DLC1: variants seen among roughly 807,000 people sequenced by gnomAD.
DLC1 encodes DLC1 Rho GTPase activating protein.
In DLC1, 54 loss-of-function variants were observed where a neutral mutation model predicts 140.3. That is an observed-to-expected ratio of 0.38 (90% CI 0.31 to 0.48). The LOEUF (loss-of-function observed/expected upper bound fraction) is 0.48. Ranked by LOEUF, DLC1 falls within the 20% of genes least tolerant of loss-of-function variation. The pLI, the probability that DLC1 is intolerant of heterozygous loss-of-function variation, is 0.96. For missense variants in DLC1, 2,536 were observed against 1,907.0 expected, an observed-to-expected ratio of 1.33 and a Z score of -6.14; for synonymous variants, 986 against 728.1, an observed-to-expected ratio of 1.35 and a Z score of -5.70.
intron 5 of DLC1, among the ~76,000 whole-genome samples, chr8:13,134,415 G>A (rs776956446): frequency 1.3e-5 from 2 of 152,152 alleles, no homozygotes; most frequent in Non-Finnish European, 2.9e-5. Flanking sequence ...CCTCCTGGAG[G>A]TTACTTTCTC....
chr8:13,206,346 A>G (rs1377533922), intron 5 of DLC1, among the ~76,000 whole-genome samples: 2 of 152,234 alleles, frequency 1.3e-5, no homozygotes, highest in African/African-American at 4.8e-5. Flanking sequence ...CAAGTTTTAT[A>G]ACAAATTATG....
At chr8:13,421,658 A>G (rs1838327384) in intron 2 of DLC1, among the ~76,000 whole-genome samples, 1 of 152,116 alleles carries the variant, frequency 6.6e-6, no homozygotes, top group Admixed American at 6.5e-5. Flanking sequence ...GTGGTATAAT[A>G]TTTCTGAGGG....
At chr8:13,514,919 G>C (rs1036853755), upstream of DLC1, 2 of 324,166 alleles carry the variant, frequency 6.2e-6, no homozygotes, top group Non-Finnish European at 1.1e-5. Flanking sequence ...TGCCTCTGAG[G>C]AGTGTGCATG....
At chr8:13,312,434 G>C (rs1832714928) in intron 4 of DLC1, among the ~76,000 whole-genome samples, 1 of 147,534 alleles carries the variant, frequency 6.8e-6, no homozygotes, top group Non-Finnish European at 1.5e-5. Flanking sequence ...CCCATGACTG[G>C]GCCACATTAA....
At chr8:13,354,315 G>T (rs901815229) in intron 4 of DLC1, among the ~76,000 whole-genome samples, 1 of 152,042 alleles carries the variant, frequency 6.6e-6, no homozygotes, top group South Asian at 2.1e-4. Context: ...TATTGTCTGT[G>T]ACTTCTAGTT....
At chr8:13,088,811 T>A in intron 15 of DLC1, 107 bp from the exon 16 acceptor site, 1 of 826,130 alleles carries the variant, frequency 1.2e-6, no homozygotes, top group Non-Finnish European at 1.9e-6. Context: ...TAATCAACGT[T>A]AATTGATTAA....
intron 4 of DLC1, among the ~76,000 whole-genome samples, chr8:13,391,717 T>C (rs1836770662): frequency 6.6e-6 from 1 of 152,136 alleles, no homozygotes; most frequent in Non-Finnish European, 1.5e-5. Flanking sequence ...CTTCAACTCA[T>C]TGTTATGAAT....
intron 4 of DLC1, among the ~76,000 whole-genome samples, chr8:13,382,497 C>T (rs527532307): frequency 7.7e-5 from 7 of 90,468 alleles, no homozygotes; most frequent in Non-Finnish European, 1.2e-4. Flanking sequence ...GACAGCGAGA[C>T]TCCGTCTCAA....
At chr8:13,377,668 G>A (rs906090486) in intron 4 of DLC1, among the ~76,000 whole-genome samples, 2 of 151,980 alleles carry the variant, frequency 1.3e-5, no homozygotes, top group South Asian at 2.1e-4. Flanking sequence ...GCCCTGAAAC[G>A]TCTATATTTT....
chr8:13,505,943 C>G (rs147016015), intron 1 of DLC1, among the ~76,000 whole-genome samples: 3,518 of 152,320 alleles, frequency 0.023, 61 homozygotes, highest in Non-Finnish European at 0.034. Flanking sequence ...CAAATTCCCA[C>G]TTTTCCTGAA....
At chr8:13,457,075 AT>A (rs1799422693) in intron 2 of DLC1, among the ~76,000 whole-genome samples, 1 of 152,124 alleles carries the variant, frequency 6.6e-6, no homozygotes, top group South Asian at 2.1e-4. Context: ...ATTCAATTCT[AT>A]TTCCCTGGGT....
intron 6 of DLC1, 146 bp from the exon 7 acceptor site, chr8:13,110,969 G>T (rs939972672): frequency 1.2e-5 from 8 of 685,288 alleles, no homozygotes; most frequent in Admixed American, 1.1e-4. Context: ...AAGTTCTATG[G>T]GACTATAAGG....
intron 5 of DLC1, among the ~76,000 whole-genome samples, chr8:13,292,699 C>A (rs918305722): frequency 6.6e-6 from 1 of 152,088 alleles, no homozygotes; most frequent in African/African-American, 2.4e-5. Flanking sequence ...TAGAAAAATG[C>A]TAAGTGATAG....
intron 2 of DLC1, among the ~76,000 whole-genome samples, chr8:13,404,634 A>AGGG (rs1837443950): frequency 6.6e-6 from 1 of 152,124 alleles, no homozygotes; most frequent in African/African-American, 2.4e-5. Flanking sequence ...TTACTAAGGA[A>AGGG]TTACCTGAGC....
intron 5 of DLC1, among the ~76,000 whole-genome samples, chr8:13,302,648 C>T (rs536103986): frequency 6.0e-4 from 87 of 146,122 alleles, no homozygotes; most frequent in Admixed American, 1.4e-3. Flanking sequence ...GATGAGAGGT[C>T]ACACAGATTA....
chr8:13,464,377 C>G (rs749658595), intron 2 of DLC1, among the ~76,000 whole-genome samples: 8 of 152,116 alleles, frequency 5.3e-5, no homozygotes, highest in Non-Finnish European at 1.2e-4. Flanking sequence ...CATTTGCAAT[C>G]TAATTAGGAA....
At chr8:13,096,951 A>G (rs1818545847) in intron 10 of DLC1, among the ~76,000 whole-genome samples, 1 of 152,216 alleles carries the variant, frequency 6.6e-6, no homozygotes, top group Non-Finnish European at 1.5e-5. Context: ...GTCAATCTAG[A>G]AACATTTCTC....
At chr8:13,513,962 C>T (rs369309435) in intron 1 of DLC1, among the ~76,000 whole-genome samples, 1 of 151,760 alleles carries the variant, frequency 6.6e-6, no homozygotes, top group Non-Finnish European at 1.5e-5. Flanking sequence ...AATTCGATTC[C>T]GACATTTAAA....
At chr8:13,364,616 C>G (rs950980407) in intron 4 of DLC1, among the ~76,000 whole-genome samples, 2 of 152,112 alleles carry the variant, frequency 1.3e-5, no homozygotes, top group East Asian at 1.9e-4. Flanking sequence ...ATACTTCTAT[C>G]TCCCCTTTTG....
Sources: allele counts gnomAD v4.1 joint callset (sites outside exome capture counted in the v4.1 genomes callset), GRCh38; gene constraint gnomAD v4.1.1; transcripts MANE v1.5; gene names NCBI Gene and HGNC (gene_info 2026-07-23, HGNC 2026-07-21).